Variants in OPN3 observed in about 807,000 individuals in gnomAD.
OPN3 encodes the protein opsin-3.
OPN3 carries 29 observed loss-of-function variants against 33.8 expected under a neutral mutation model. The ratio of observed to expected loss-of-function variants is 0.86; its 90% CI spans 0.64 to 1.17. The LOEUF (loss-of-function observed/expected upper bound fraction) is 1.17, where lower values mean the gene tolerates loss of function less well. OPN3 is among the 50% of genes most tolerant of loss of function. OPN3 has a pLI of 0.00. For missense variants in OPN3, 437 were observed against 514.1 expected (o/e 0.85, Z 1.45); for synonymous variants, 216 against 216.1 (o/e 1.00, Z 0.00).
At chr1:241,624,386 T>A (rs1664355408) in intron 1 of OPN3, among the ~76,000 whole-genome samples, 2 of 152,262 alleles carry the variant, frequency 1.3e-5, no homozygotes, top group Admixed American at 1.3e-4. Context: ...CTATTCTTCC[T>A]ACATGGGGTG....
chr1:241,639,737 G>A (rs980423162), intron 1 of OPN3, 145 bp downstream of exon 1: 15 of 818,942 alleles, frequency 1.8e-5, no homozygotes, highest in Non-Finnish European at 2.1e-5. Context: ...GAGGCGAGCG[G>A]GGAGCGGGGC....
At chr1:241,623,420 T>C (rs910397035) in intron 1 of OPN3, among the ~76,000 whole-genome samples, 3 of 152,220 alleles carry the variant, frequency 2.0e-5, no homozygotes, top group Admixed American at 2.0e-4. Flanking sequence ...CCTCGATTCA[T>C]CTTCCATATG....
At chr1:241,594,974 C>T (rs1238320553) in intron 3 of OPN3, 1 of 308,602 alleles carries the variant, frequency 3.2e-6, no homozygotes, top group Middle Eastern at 9.0e-4. Context: ...GCAGGTACAA[C>T]TATTAAGAGA....
chr1:241,599,266 G>T (rs956699439), intron 2 of OPN3, among the ~76,000 whole-genome samples: 4 of 149,704 alleles, frequency 2.7e-5, no homozygotes, highest in African/African-American at 9.8e-5. Flanking sequence ...AAGTAATTGT[G>T]GTTTTTGCCA....
chr1:241,601,303 C>G (rs1357023352), intron 2 of OPN3: 4 of 151,192 alleles, frequency 2.6e-5, no homozygotes, highest in Admixed American at 2.0e-4. Context: ...ACTCTGATGG[C>G]AGTGTGTAAA....
intron 3 of OPN3, among the ~76,000 whole-genome samples, chr1:241,596,570 C>A (rs918062849): frequency 1.4e-4 from 22 of 152,288 alleles, no homozygotes; most frequent in African/African-American, 4.1e-4. Flanking sequence ...TAGCACTGAA[C>A]ATAATAAGGT....
intron 1 of OPN3, chr1:241,633,529 A>G (rs1371946245): frequency 2.3e-6 from 1 of 438,654 alleles, no homozygotes; most frequent in East Asian, 4.7e-5. Flanking sequence ...TTACATATAT[A>G]CCCAATACTA....
At chr1:241,634,086 C>T (rs1484610102) in intron 1 of OPN3, 6 of 1,611,238 alleles carry the variant, frequency 3.7e-6, no homozygotes, top group Middle Eastern at 1.6e-4. Flanking sequence ...CTGCTGATTC[C>T]CGAGGAATCT....
intron 1 of OPN3, chr1:241,614,002 T>C (rs73139008): frequency 0.087 from 13,294 of 152,082 alleles, 716 homozygotes; most frequent in African/African-American, 0.15. Context: ...ACCCTGTTTC[T>C]ACTAAAAATA....
chr1:241,593,956 T>C lies in OPN3; in HGVS notation c.*472A>G, dbSNP rs1421177315. ...AACAAGAGGATTTTCTTTTTCATTC[T>C]AGAATTATCTCCTTGATAACTTGAT... On this transcript the variant is annotated 3_prime_UTR_variant, in exon 4 of 4. Coordinates refer to ENST00000366554, the MANE Select transcript of OPN3 (RefSeq NM_014322.3). The C allele has an allele frequency of 6.5e-6, 1 of 154,902 alleles. No homozygotes were observed. Among genetic ancestry groups the C allele is most frequent in the Non-Finnish European group, 1.4e-5 (1 of 69,794 alleles). 9.6% of individuals were successfully genotyped at this position (154,902 alleles called of 1,614,324 possible).
chr1:241,608,147 C>A (rs1218141213), intron 1 of OPN3, among the ~76,000 whole-genome samples: 2 of 152,154 alleles, frequency 1.3e-5, no homozygotes, highest in Non-Finnish European at 2.9e-5. Flanking sequence ...TGGCACTCAA[C>A]TTTTAGTTGA....
intron 1 of OPN3, chr1:241,635,918 T>C: frequency 1.5e-6 from 1 of 689,246 alleles, no homozygotes; most frequent in Non-Finnish European, 2.4e-6. Flanking sequence ...TTTTAAAATA[T>C]TTTTTTTCTT....
chr1:241,638,009 A>G (rs1226586279), intron 1 of OPN3, among the ~76,000 whole-genome samples: 2 of 152,038 alleles, frequency 1.3e-5, no homozygotes, highest in Non-Finnish European at 2.9e-5. Flanking sequence ...AGAAGCACAA[A>G]CTCCGGAATT....
intron 1 of OPN3, among the ~76,000 whole-genome samples, chr1:241,605,843 TAG>T (rs1279287159): frequency 6.6e-6 from 1 of 152,254 alleles, no homozygotes; most frequent in South Asian, 2.1e-4. Context: ...AAGAGAAATT[TAG>T]AGAGAGCCAC....
At chr1:241,635,730 T>C (rs1276925131) in intron 1 of OPN3, 4 of 1,613,542 alleles carry the variant, frequency 2.5e-6, no homozygotes, top group Non-Finnish European at 2.5e-6. Flanking sequence ...GTCCCTATTA[T>C]AACCACATCA....
chr1:241,620,875 C>G (rs1664253734), intron 1 of OPN3, among the ~76,000 whole-genome samples: 1 of 152,084 alleles, frequency 6.6e-6, no homozygotes, highest in Non-Finnish European at 1.5e-5. Flanking sequence ...CCTAGAGAAA[C>G]TCTGTGCATA....
intron 1 of OPN3, among the ~76,000 whole-genome samples, chr1:241,615,009 G>A (rs1043275931): frequency 6.6e-6 from 1 of 152,232 alleles, no homozygotes; most frequent in East Asian, 1.9e-4. Flanking sequence ...GCCTCTGCTC[G>A]TCAGGAAAGG....
chr1:241,611,252 C>T (rs1330184388), intron 1 of OPN3, among the ~76,000 whole-genome samples: 2 of 152,032 alleles, frequency 1.3e-5, no homozygotes, highest in African/African-American at 2.4e-5. Flanking sequence ...AGCAAGTTCA[C>T]ACTAAACAGA....
chr1:241,606,976 A>T (rs1343760778), intron 1 of OPN3, among the ~76,000 whole-genome samples: 1 of 152,208 alleles, frequency 6.6e-6, no homozygotes, highest in Non-Finnish European at 1.5e-5. Context: ...GCAATTAATA[A>T]GAATGAAATA....
Sources: allele counts gnomAD v4.1 joint callset (sites outside exome capture counted in the v4.1 genomes callset), GRCh38; gene constraint gnomAD v4.1.1; transcripts MANE v1.5; gene names NCBI Gene and HGNC (gene_info 2026-07-23, HGNC 2026-07-21).